The following ARHGEF10 variants were observed in gnomAD, a reference collection of about 807,000 sequenced individuals.
The protein encoded by ARHGEF10 is Rho guanine nucleotide exchange factor 10.
Under a neutral mutation model 147.4 loss-of-function variants are expected in ARHGEF10, and 140 were observed. The observed-to-expected ratio is 0.95, with a 90% CI of 0.83 to 1.09. The LOEUF is 1.09. Ranked by LOEUF, ARHGEF10 falls within the 50% of genes least tolerant of loss-of-function variation. The pLI, the probability that ARHGEF10 is intolerant of heterozygous loss-of-function variation, is 0.00. For missense variants in ARHGEF10, 2,222 were observed against 1,752.7 expected, an observed-to-expected ratio of 1.27 and a Z score of -4.78; for synonymous variants, 902 against 695.8, an observed-to-expected ratio of 1.30 and a Z score of -4.67.
intron 11 of ARHGEF10, among the ~76,000 whole-genome samples, chr8:1,886,804 A>G (rs1808697691): frequency 6.6e-6 from 1 of 152,112 alleles, no homozygotes. Flanking sequence ...TCAGAACTGC[A>G]TCCTCCAGCT....
At chr8:1,885,488 G>A in intron 10 of ARHGEF10, 113 bp from the exon 11 acceptor site, 2 of 743,700 alleles carry the variant, frequency 2.7e-6, no homozygotes, top group Non-Finnish European at 4.6e-6. Flanking sequence ...AAGTAAGCAT[G>A]GAAAATTGAA....
Position 1,841,895 on chromosome 8 carries a change from AACTGGGGCCGCGG to A in ARHGEF10, c.-47-1457_-47-1445del, listed in dbSNP as rs1804083377. ...CGGCGGGAACTGGGGCCGCGGCGGGAACTGGGGCCGCGGCGGGAACTGGGGCCGCGGCGGGAAC... is the reference window on the plus strand; with the variant it reads ...CGGCGGGAACTGGGGCCGCGGCGGGACGGGAACTGGGGCCGCGGCGGGAAC... On this transcript the variant is annotated intron_variant, in intron 1 of 28. Coordinates refer to ENST00000349830, the MANE Select transcript of ARHGEF10 (RefSeq NM_014629.4). Among the ~76,000 whole-genome samples the A allele has an allele frequency of 2.3e-5, 2 of 86,910 alleles. 1 individual carries two copies. The highest frequency in any genetic ancestry group is 1.0e-4 in the African/African-American group (2 of 19,532). The allele number at this position is 86,910 out of a possible 152,430, so 57.0% of individuals were successfully genotyped here. A position where few individuals can be genotyped will look rare whatever the true frequency, so the allele number is the denominator to read the frequency against.
At chr8:1,938,184 G>A (rs141388334) in intron 26 of ARHGEF10, among the ~76,000 whole-genome samples, 12 of 152,292 alleles carry the variant, frequency 7.9e-5, no homozygotes, top group South Asian at 4.2e-4. Context: ...ACTGCAAATG[G>A]CCCTTTACCC....
At chr8:1,882,964 G>C (rs909911394) in intron 10 of ARHGEF10, among the ~76,000 whole-genome samples, 26 of 152,336 alleles carry the variant, frequency 1.7e-4, no homozygotes, top group African/African-American at 6.0e-4. Flanking sequence ...CCCAGCAGCA[G>C]AGAATCATTG....
intron 8 of ARHGEF10, among the ~76,000 whole-genome samples, chr8:1,879,640 C>G (rs1808008805): frequency 6.6e-6 from 1 of 151,876 alleles, no homozygotes. Context: ...GCAGCCTCCA[C>G]TTCCCAGGCT....
rs1811105681 is a variant in ARHGEF10 at position 1,908,630 on chromosome 8, G to A, written c.1968-665G>A. Among the ~76,000 whole-genome samples, 2 of 152,178 alleles carry A rather than the reference G, an allele frequency of 1.3e-5. 1 individual carries two copies. The highest frequency in any genetic ancestry group is 4.1e-4 in the South Asian group (2 of 4,826). ...GATTCTGGAGGGTGGGATTTCCTGG[G>A]GCTGCGGGGATGCTGGCGATGTCAC... On this transcript the variant is annotated intron_variant, in intron 17 of 28. Coordinates refer to ENST00000349830, the MANE Select transcript of ARHGEF10 (RefSeq NM_014629.4).
chr8:1,846,471 T>G (rs1357032103), intron 2 of ARHGEF10, among the ~76,000 whole-genome samples: 1 of 152,256 alleles, frequency 6.6e-6, no homozygotes, highest in Non-Finnish European at 1.5e-5. Context: ...CGACCTCATT[T>G]CTTCCCTGCG....
At chr8:1,852,523 C>G (rs1306721295) in intron 2 of ARHGEF10, among the ~76,000 whole-genome samples, 1 of 151,616 alleles carries the variant, frequency 6.6e-6, no homozygotes, top group Non-Finnish European at 1.5e-5. Context: ...TGAGGGCCCT[C>G]TAGAACCTCT....
At chr8:1,887,202 G>A (rs1204842077) in intron 11 of ARHGEF10, among the ~76,000 whole-genome samples, 4 of 152,300 alleles carry the variant, frequency 2.6e-5, no homozygotes, top group Non-Finnish European at 4.4e-5. Context: ...CGATGAAGCC[G>A]AAAACCAAAA....
intron 23 of ARHGEF10, chr8:1,927,549 T>A (rs919804453): frequency 4.6e-5 from 7 of 152,078 alleles, no homozygotes; most frequent in Admixed American, 2.6e-4. Flanking sequence ...GGAAACTAAC[T>A]GTGCTATGTG....
At chr8:1,947,973 G>C in intron 27 of ARHGEF10, among the ~76,000 whole-genome samples, 1 of 151,994 alleles carries the variant, frequency 6.6e-6, no homozygotes, top group Non-Finnish European at 1.5e-5. Flanking sequence ...CAGACCCCTT[G>C]CCGGCTGCTC....
chr8:1,851,565 C>T (rs375294221), intron 2 of ARHGEF10, among the ~76,000 whole-genome samples: 4 of 152,164 alleles, frequency 2.6e-5, no homozygotes, highest in East Asian at 3.9e-4. Context: ...CTGTACCTTC[C>T]TCTCAATTTT....
intron 4 of ARHGEF10, 63 bp downstream of exon 4, chr8:1,860,247 C>A: frequency 6.6e-7 from 1 of 1,509,790 alleles, no homozygotes. Flanking sequence ...TCCACGCCCC[C>A]GAAGTGGCCT....
chr8:1,883,124 T>A (rs1006518817), intron 10 of ARHGEF10, among the ~76,000 whole-genome samples: 1 of 152,192 alleles, frequency 6.6e-6, no homozygotes, highest in African/African-American at 2.4e-5. Flanking sequence ...CGTCCTGAAC[T>A]GGCATTTCAG....
intron 11 of ARHGEF10, among the ~76,000 whole-genome samples, chr8:1,892,668 G>T (rs989646358): frequency 7.1e-6 from 1 of 139,916 alleles, no homozygotes; most frequent in Non-Finnish European, 1.5e-5. Context: ...TTCCGTGCGC[G>T]CACGTGTGTG....
chr8:1,935,128 A>C (rs1338625991), intron 26 of ARHGEF10, among the ~76,000 whole-genome samples: 1 of 152,150 alleles, frequency 6.6e-6, no homozygotes, highest in South Asian at 2.1e-4. Flanking sequence ...AATAAACTTT[A>C]TTTTTAGAGC....
At chr8:1,956,061 C>T (rs1336150573) in intron 28 of ARHGEF10, among the ~76,000 whole-genome samples, 1 of 152,204 alleles carries the variant, frequency 6.6e-6, no homozygotes, top group Non-Finnish European at 1.5e-5. Context: ...GGGGAAAGGA[C>T]ACGTGCCCCT....
At chr8:1,864,336 G>C (rs767726825) in intron 4 of ARHGEF10, 37 bp from the exon 5 acceptor site, 2 of 1,606,944 alleles carry the variant, frequency 1.2e-6, no homozygotes, top group Admixed American at 1.7e-5. Context: ...ATTTTTGTCA[G>C]GCGTAAAGCA....
rs552695178 is a variant in ARHGEF10 at position 1,851,134 on chromosome 8, A to G, written c.38-6826A>G. Among the ~76,000 whole-genome samples, 45 of 152,032 alleles carry G rather than the reference A, an allele frequency of 3.0e-4. No homozygotes were observed. The East Asian group carries it at 3.5e-3, about 12-fold the overall frequency. Reference sequence around the variant, plus strand: ...ATTACACGCCTGTCCAAACCCATAGAAGGCACAGCACCAGGAGCGAGGCCT... The same window carrying G: ...ATTACACGCCTGTCCAAACCCATAGGAGGCACAGCACCAGGAGCGAGGCCT... On this transcript the variant is annotated intron_variant, in intron 2 of 28. Coordinates refer to ENST00000349830, the MANE Select transcript of ARHGEF10 (RefSeq NM_014629.4).
Sources: gnomAD v4.1 joint callset for allele counts (sites outside exome capture counted in the v4.1 genomes callset) on GRCh38, gnomAD v4.1.1 for gene constraint, MANE v1.5 for transcripts, NCBI Gene and HGNC (gene_info 2026-07-23, HGNC 2026-07-21) for gene names.